STARD3NL: variants seen among roughly 807,000 people sequenced by gnomAD.
The protein encoded by STARD3NL is STARD3 N-terminal like.
In STARD3NL, 17 loss-of-function variants were observed where a neutral mutation model predicts 30.9. That is an observed-to-expected ratio of 0.55 (90% CI 0.38 to 0.82). The LOEUF (loss-of-function observed/expected upper bound fraction) is 0.82. Ranked by LOEUF, STARD3NL falls within the 40% of genes least tolerant of loss-of-function variation. The pLI is 0.00. For synonymous variants in STARD3NL, 112 were observed against 100.5 expected, an observed-to-expected ratio of 1.11 and a Z score of -0.69; for missense variants, 234 against 277.6, an observed-to-expected ratio of 0.84 and a Z score of 1.12.
intron 1 of STARD3NL, among the ~76,000 whole-genome samples, chr7:38,186,324 G>A (rs7787991): frequency 0.83 from 126,040 of 152,206 alleles, 52,345 homozygotes; most frequent in African/African-American, 0.88. Flanking sequence ...TTTTTAGGAC[G>A]GCTAAAAGTA....
At chr7:38,189,709 C>T (rs983705287) in intron 1 of STARD3NL, among the ~76,000 whole-genome samples, 4 of 152,120 alleles carry the variant, frequency 2.6e-5, no homozygotes, top group Non-Finnish European at 4.4e-5. Context: ...TGACTTCTAT[C>T]TATTAGTCAT....
At chr7:38,224,092 A>G (rs1786618751) in intron 7 of STARD3NL, among the ~76,000 whole-genome samples, 1 of 152,186 alleles carries the variant, frequency 6.6e-6, no homozygotes, top group Non-Finnish European at 1.5e-5. Flanking sequence ...CTTGCTTAGC[A>G]TAAGGTTTGA....
chr7:38,201,445 GAGTGAAACT>G (rs1458807899), intron 1 of STARD3NL, among the ~76,000 whole-genome samples: 1 of 152,090 alleles, frequency 6.6e-6, no homozygotes, highest in East Asian at 1.9e-4. Flanking sequence ...AAGGAAAAAG[GAGTGAAACT>G]AAGAAAATGA....
At chr7:38,190,351 G>A (rs1784634210) in intron 1 of STARD3NL, among the ~76,000 whole-genome samples, 2 of 152,162 alleles carry the variant, frequency 1.3e-5, no homozygotes, top group African/African-American at 4.8e-5. Flanking sequence ...AAACTGGAAA[G>A]TGAAACTTCA....
At chr7:38,226,004 G>T (rs1283485278) in intron 7 of STARD3NL, among the ~76,000 whole-genome samples, 6 of 152,076 alleles carry the variant, frequency 3.9e-5, no homozygotes, top group Admixed American at 2.6e-4. Context: ...CTCCTTCTGG[G>T]ATTCCCATTA....
intron 1 of STARD3NL, among the ~76,000 whole-genome samples, chr7:38,183,192 G>T (rs1390905318): frequency 6.6e-6 from 1 of 152,218 alleles, no homozygotes. Flanking sequence ...CACCAGCCAA[G>T]ACTTGCCTTG....
chr7:38,219,420 T>A (rs183150937), intron 6 of STARD3NL, 145 bp from the exon 7 acceptor site: 5 of 540,042 alleles, frequency 9.3e-6, no homozygotes, highest in Non-Finnish European at 1.7e-5. Flanking sequence ...ATGAAACTTA[T>A]TGTTTGGTTG....
chr7:38,198,764 A>C (rs1234960239), intron 1 of STARD3NL, among the ~76,000 whole-genome samples: 1 of 152,098 alleles, frequency 6.6e-6, no homozygotes, highest in Non-Finnish European at 1.5e-5. Context: ...GTAAAATGCA[A>C]GTAGTGGTAG....
chr7:38,197,136 T>TTTTCTTTCTTTC (rs56319128), intron 1 of STARD3NL, among the ~76,000 whole-genome samples: 18,774 of 111,598 alleles, frequency 0.17, 2,051 homozygotes, highest in Middle Eastern at 0.21. Context: ...GCATTACCTT[T>TTTTCTTTCTTTC]TTTCTTTCTT....
At chr7:38,207,859 T>G in intron 2 of STARD3NL, 130 bp downstream of exon 2, 1 of 848,730 alleles carries the variant, frequency 1.2e-6, no homozygotes, top group Non-Finnish European at 1.8e-6. Context: ...CCATTGCTTT[T>G]CTCCTCCTGA....
intron 7 of STARD3NL, among the ~76,000 whole-genome samples, chr7:38,222,946 T>C (rs1009340237): frequency 3.9e-5 from 6 of 152,148 alleles, no homozygotes; most frequent in African/African-American, 4.8e-5. Context: ...TTTTCCCTTA[T>C]GCCAATAGCT....
chr7:38,214,896 T>A (rs1786011735), intron 3 of STARD3NL, 132 bp from the exon 4 acceptor site: 6 of 753,164 alleles, frequency 8.0e-6, no homozygotes, highest in Non-Finnish European at 1.3e-5. Context: ...AATGCTGGTC[T>A]ACAGACCAGT....
chr7:38,184,233 G>A (rs1416701869), intron 1 of STARD3NL, among the ~76,000 whole-genome samples: 5 of 152,164 alleles, frequency 3.3e-5, no homozygotes, highest in African/African-American at 1.2e-4. Flanking sequence ...CTGTTAATAT[G>A]ATAGTTTGGT....
chr7:38,217,074 C>G lies in STARD3NL; in HGVS notation c.431C>G (p.Ser144Trp). The G allele has an allele frequency of 6.2e-7, 1 of 1,614,084 alleles. No individual in the cohort carries two copies. The highest frequency in any genetic ancestry group is 8.5e-7 in the Non-Finnish European group (1 of 1,179,962). The change falls in exon 5 of 9, where the codon TCG becomes TGG. Residue 144 changes from serine (S) to tryptophan (W), a missense_variant. Ser to Trp is a radical substitution (Grantham distance 177). Transcript: ENST00000009041. ...SAFLLAKVIL[S>W]KLFSQGAFGY... ...TTTTTACTAGCAAAAGTGATCCTTT[C>G]GAAGGTATGGCCTACCACTTTTTCT... is the stretch of plus-strand genomic sequence containing the variant.
intron 1 of STARD3NL, among the ~76,000 whole-genome samples, chr7:38,192,358 G>T (rs1784723256): frequency 6.6e-6 from 1 of 152,116 alleles, no homozygotes; most frequent in African/African-American, 2.4e-5. Context: ...AATTATAGAG[G>T]TCTGTGTACA....
At chr7:38,212,919 A>G (rs1404741764) in intron 2 of STARD3NL, among the ~76,000 whole-genome samples, 1 of 152,194 alleles carries the variant, frequency 6.6e-6, no homozygotes, top group African/African-American at 2.4e-5. Context: ...TAGAGACAAA[A>G]ATTTTGAAAT....
At chr7:38,188,193 A>C (rs1253819620) in intron 1 of STARD3NL, among the ~76,000 whole-genome samples, 1 of 152,190 alleles carries the variant, frequency 6.6e-6, no homozygotes, top group Non-Finnish European at 1.5e-5. Flanking sequence ...AGTGGCCCAC[A>C]CACAAGGCCC....
chr7:38,222,605 C>G (rs910475218), intron 7 of STARD3NL, among the ~76,000 whole-genome samples: 1 of 152,186 alleles, frequency 6.6e-6, no homozygotes, highest in Non-Finnish European at 1.5e-5. Flanking sequence ...ACGAGGAACA[C>G]GGTCTCAAGC....
chr7:38,207,602 T>G lies in STARD3NL; in HGVS notation c.98T>G (p.Leu33Arg), dbSNP rs1415998182. The part of the protein sequence containing the change: ...RNIHSINPTQ[L>R]MARIESYEGR... ...ATCCATTCCATCAACCCCACACAACTCATGGCCAGGATTGAGTCCTATGAA... is the reference window on the plus strand; with the variant it reads ...ATCCATTCCATCAACCCCACACAACGCATGGCCAGGATTGAGTCCTATGAA... Residue 33 changes from leucine (L) to arginine (R), a missense_variant, in exon 2 of 9, where the codon CTC becomes CGC. Physicochemically the swap from Leu to Arg is moderately radical, Grantham distance 102. Transcript: ENST00000009041. The G allele has an allele frequency of 1.2e-6, 2 of 1,614,058 alleles. No individual in the cohort carries two copies. Among genetic ancestry groups the G allele is most frequent in the Non-Finnish European group, 1.7e-6 (2 of 1,179,960 alleles).
Sources: gnomAD v4.1 joint callset for allele counts (sites outside exome capture counted in the v4.1 genomes callset) on GRCh38, gnomAD v4.1.1 for gene constraint, MANE v1.5 for transcripts, NCBI Gene and HGNC (gene_info 2026-07-23, HGNC 2026-07-21) for gene names.